The following CPN1 variants were observed in gnomAD, a reference collection of about 807,000 sequenced individuals.
The protein encoded by CPN1 is carboxypeptidase N subunit 1.
A neutral mutation model predicts 46.4 loss-of-function variants in CPN1; 37 were observed. The ratio of observed to expected loss-of-function variants is 0.80; its 90% CI spans 0.61 to 1.05. The LOEUF is 1.05. Ranked by LOEUF, CPN1 falls within the 50% of genes least tolerant of loss-of-function variation. The pLI, the probability that CPN1 is intolerant of heterozygous loss-of-function variation, is 0.00. For missense variants in CPN1, 563 were observed against 602.6 expected (o/e 0.93, Z 0.69); for synonymous variants, 224 against 235.4 (o/e 0.95, Z 0.44).
At position 100,054,305 on chromosome 10, in the gene CPN1, G is replaced by C. The variant is rs1416825524; in HGVS notation, c.1111+42C>G. Reference sequence around the variant, plus strand: ...CTTGATTATGCTGAAGAAGATGCAGGAGTTAACGCTTCCTTCTTACCCCTA... The same window carrying C: ...CTTGATTATGCTGAAGAAGATGCAGCAGTTAACGCTTCCTTCTTACCCCTA... On this transcript the variant is annotated intron_variant, in intron 7 of 8. Transcript: ENST00000370418. The C allele has an allele frequency of 5.5e-6, 8 of 1,453,078 alleles. No homozygotes were observed. The East Asian group carries it at 6.8e-5, about 12-fold the overall frequency. 90.0% of individuals were successfully genotyped at this position (1,453,078 alleles called of 1,614,324 possible). A position where few individuals can be genotyped will look rare whatever the true frequency, so the allele number is the denominator to read the frequency against.
rs1466031343 is a variant in CPN1, at chr10:100,081,526, T to TGCA, written c.99_100insTGC (p.Arg33_Thr34insCys). 2 of 1,614,092 alleles carry TGCA rather than the reference T, an allele frequency of 1.2e-6. No individual in the cohort carries two copies. The highest frequency in any genetic ancestry group is 3.3e-5 in the Admixed American group (2 of 60,006). On this transcript the variant is annotated inframe_insertion, in exon 1 of 9. Transcript: ENST00000370418. ...CATTCGTTTTGCACCTTGTACAGCG[T>TGCA]CCGCACAAGATCATCATAGCGGTGG... is the stretch of plus-strand genomic sequence containing the variant.
chr10:100,055,531 T>G (rs1182714567), intron 6 of CPN1, among the ~76,000 whole-genome samples: 1 of 152,212 alleles, frequency 6.6e-6, no homozygotes, highest in African/African-American at 2.4e-5. Flanking sequence ...CAGAATTTCC[T>G]TCCTTTTTTT....
Position 100,069,720 on chromosome 10 carries a change from T to C in CPN1, c.570A>G (p.Lys190=). Residue 190 remains lysine, a synonymous_variant, in exon 3 of 9, where the codon AAA becomes AAG. Coordinates refer to ENST00000370418, the MANE Select transcript of CPN1 (RefSeq NM_001308.3). ...TGCAAATTTCATCTCCTACCTGACT[T>C]TTCCAGTTGTCTGGAAGGGGCAGGT... ...NHHLPLPDNW[K]SQVEPETRAV... 1 of 1,613,984 alleles carries C rather than the reference T, an allele frequency of 6.2e-7. No individual in the cohort carries two copies. The highest frequency in any genetic ancestry group is 8.5e-7 in the Non-Finnish European group (1 of 1,179,994).
intron 6 of CPN1, among the ~76,000 whole-genome samples, chr10:100,056,736 G>T: frequency 6.7e-6 from 1 of 148,166 alleles, no homozygotes; most frequent in South Asian, 2.1e-4. Flanking sequence ...TTTTTTAGTA[G>T]ACATGGGGTC....
chr10:100,071,310 G>A (rs1176227243), intron 2 of CPN1, among the ~76,000 whole-genome samples: 2 of 152,122 alleles, frequency 1.3e-5, no homozygotes, highest in Non-Finnish European at 2.9e-5. Context: ...ATTCTCTGGA[G>A]GCTAGAAGTT....
intron 5 of CPN1, among the ~76,000 whole-genome samples, chr10:100,061,549 G>C (rs1266419272): frequency 6.6e-6 from 1 of 152,120 alleles, no homozygotes; most frequent in Non-Finnish European, 1.5e-5. Context: ...TAAGTTCCCA[G>C]CTCATGCTGA....
intron 6 of CPN1, among the ~76,000 whole-genome samples, chr10:100,055,600 C>T (rs186696924): frequency 6.6e-6 from 1 of 152,256 alleles, no homozygotes; most frequent in East Asian, 1.9e-4. Flanking sequence ...TCTCAGCTCA[C>T]CATAACCTCC....
intron 3 of CPN1, among the ~76,000 whole-genome samples, chr10:100,066,278 TATC>T (rs559914368): frequency 6.4e-4 from 97 of 152,302 alleles, no homozygotes; most frequent in African/African-American, 2.3e-3. Flanking sequence ...TATGAAGAGA[TATC>T]ATGATTGGAG....
chr10:100,042,292 G>T lies in CPN1; in HGVS notation c.*135C>A. On this transcript the variant is annotated 3_prime_UTR_variant, in exon 9 of 9. Transcript: ENST00000370418. ...CTAGAGATGGCTTACCCCTGGAACA[G>T]ATGGAGACCATTCTGAATTGTTCTG... is the stretch of plus-strand genomic sequence containing the variant. 2 of 1,249,970 alleles carry T rather than the reference G, an allele frequency of 1.6e-6. No individual in the cohort carries two copies. The highest frequency in any genetic ancestry group is 1.2e-6 in the Non-Finnish European group (1 of 864,956). 77.4% of individuals were successfully genotyped at this position (1,249,970 alleles called of 1,614,324 possible).
intron 3 of CPN1, among the ~76,000 whole-genome samples, chr10:100,066,959 G>A (rs1420756152): frequency 6.6e-6 from 1 of 152,146 alleles, no homozygotes; most frequent in Non-Finnish European, 1.5e-5. Context: ...CAGGAGCGAG[G>A]GAAACCTCTT....
At chr10:100,064,328 T>C (rs1169548953) in intron 4 of CPN1, among the ~76,000 whole-genome samples, 1 of 150,214 alleles carries the variant, frequency 6.7e-6, no homozygotes, top group Non-Finnish European at 1.5e-5. Flanking sequence ...TAATACTTAA[T>C]ATCATTAATG....
At chr10:100,054,846 T>C (rs1400959109) in intron 6 of CPN1, among the ~76,000 whole-genome samples, 53 of 144,794 alleles carry the variant, frequency 3.7e-4, no homozygotes, top group African/African-American at 9.6e-4. Flanking sequence ...TCTTTCTTTT[T>C]TTTTTTTTTT....
At chr10:100,058,960 G>C (rs1000400247) in intron 5 of CPN1, among the ~76,000 whole-genome samples, 1 of 152,156 alleles carries the variant, frequency 6.6e-6, no homozygotes, top group Non-Finnish European at 1.5e-5. Context: ...TCAACAAATG[G>C]TGCTGGAGAA....
At chr10:100,065,025 CAAA>C (rs2041445023) in intron 4 of CPN1, among the ~76,000 whole-genome samples, 160 bp downstream of exon 4, 1 of 152,154 alleles carries the variant, frequency 6.6e-6, no homozygotes, top group Non-Finnish European at 1.5e-5. Flanking sequence ...GCTTATCATT[CAAA>C]ACCAAATGTC....
intron 6 of CPN1, among the ~76,000 whole-genome samples, chr10:100,055,366 T>C (rs1480163642): frequency 1.4e-5 from 2 of 138,564 alleles, no homozygotes; most frequent in Admixed American, 7.2e-5. Flanking sequence ...CCCCAGCCCC[T>C]GGCAACCACC....
intron 6 of CPN1, among the ~76,000 whole-genome samples, chr10:100,054,841 C>CTTTTTTTTTTTTTTT (rs56250435): frequency 1.5e-5 from 2 of 132,744 alleles, no homozygotes; most frequent in South Asian, 2.4e-4. Context: ...TTCTTTCTTT[C>CTTTTTTTTTTTTTTT]TTTTTTTTTT....
intron 4 of CPN1, among the ~76,000 whole-genome samples, chr10:100,064,530 A>ACCACCGT (rs2041441082): frequency 6.6e-6 from 1 of 151,176 alleles, no homozygotes; most frequent in Non-Finnish European, 1.5e-5. Context: ...ACAGGCACCC[A>ACCACCGT]CCACCGTGCC....
chr10:100,049,199 T>C (rs2041335785), intron 7 of CPN1, among the ~76,000 whole-genome samples: 1 of 151,874 alleles, frequency 6.6e-6, no homozygotes, highest in Non-Finnish European at 1.5e-5. Flanking sequence ...CCTCAGGTGA[T>C]CTGCCCGCCT....
chr10:100,074,769 G>C (rs1365651527), intron 2 of CPN1, among the ~76,000 whole-genome samples: 1 of 152,062 alleles, frequency 6.6e-6, no homozygotes, highest in Non-Finnish European at 1.5e-5. Flanking sequence ...CATTGCATAA[G>C]GCAGATCGAT....
Sources: gnomAD v4.1 joint callset for allele counts (sites outside exome capture counted in the v4.1 genomes callset) on GRCh38, gnomAD v4.1.1 for gene constraint, MANE v1.5 for transcripts, NCBI Gene and HGNC (gene_info 2026-07-23, HGNC 2026-07-21) for gene names.